IFT74: variants seen among roughly 807,000 people sequenced by gnomAD.
The protein encoded by IFT74 is intraflagellar transport protein 74 homolog.
Under a neutral mutation model 96.7 loss-of-function variants are expected in IFT74, and 92 were observed. That is an observed-to-expected ratio of 0.95 (90% CI 0.80 to 1.13). IFT74 has a LOEUF of 1.13. IFT74 is among the 50% of genes most tolerant of loss of function. IFT74 has a pLI of 0.00. For missense variants in IFT74, 811 were observed against 698.2 expected (o/e 1.16, Z -1.82); for synonymous variants, 223 against 213.2 (o/e 1.05, Z -0.40).
At chr9:26,998,713 G>A (rs553737957) in intron 8 of IFT74, among the ~76,000 whole-genome samples, 1 of 152,116 alleles carries the variant, frequency 6.6e-6, no homozygotes, top group African/African-American at 2.4e-5. Flanking sequence ...GCTGGGCATG[G>A]TGGCTCACGC....
intron 2 of IFT74, among the ~76,000 whole-genome samples, chr9:26,970,088 G>A (rs908539355): frequency 3.3e-5 from 5 of 151,676 alleles, no homozygotes; most frequent in African/African-American, 1.2e-4. Flanking sequence ...GTCTTTGTAG[G>A]TGACTAGATA....
At chr9:26,985,015 T>C (rs191042871) in intron 6 of IFT74, among the ~76,000 whole-genome samples, 58 of 152,266 alleles carry the variant, frequency 3.8e-4, no homozygotes, top group Non-Finnish European at 4.9e-4. Context: ...TGTGTGTTCA[T>C]TGGAGCACGG....
intron 12 of IFT74, among the ~76,000 whole-genome samples, chr9:27,026,188 CTTATA>C (rs1443091877): frequency 2.0e-5 from 3 of 152,086 alleles, no homozygotes; most frequent in Admixed American, 6.6e-5. Context: ...AGTAGCTATT[CTTATA>C]TTAGACAAAA....
intron 10 of IFT74, among the ~76,000 whole-genome samples, chr9:27,014,754 G>A (rs949488158): frequency 7.9e-5 from 12 of 152,074 alleles, no homozygotes; most frequent in East Asian, 1.9e-4. Flanking sequence ...GATTACAAGC[G>A]TGCATCACCA....
Position 27,063,944 on chromosome 9 carries a change from G to A in IFT74, c.*1208G>A, listed in dbSNP as rs1820530847. 6.6e-6 allele frequency among the ~76,000 whole-genome samples: 1 copy of A among 152,212 alleles called. No individual in the cohort carries two copies. The highest frequency in any genetic ancestry group is 1.9e-4 in the East Asian group (1 of 5,184). On this transcript the variant is annotated 3_prime_UTR_variant, in exon 20 of 20. Transcript: ENST00000380062. ...GTTCCATAAATCCTGAGCATCTTGA[G>A]TTATTAATAGTGTTATGCCTCCAAA...
At chr9:27,012,401 C>A (rs996001932) in intron 10 of IFT74, among the ~76,000 whole-genome samples, 1 of 151,374 alleles carries the variant, frequency 6.6e-6, no homozygotes, top group East Asian at 2.0e-4. Flanking sequence ...TTTTTTTTTA[C>A]TTTTTGTAAA....
intron 1 of IFT74, among the ~76,000 whole-genome samples, chr9:26,950,664 G>A (rs1254071620): frequency 6.6e-6 from 1 of 152,196 alleles, no homozygotes; most frequent in African/African-American, 2.4e-5. Flanking sequence ...ATTCTGCAAA[G>A]GTAGTTTAAG....
intron 8 of IFT74, chr9:27,005,523 A>G (rs556094023): frequency 1.3e-5 from 2 of 151,854 alleles, no homozygotes; most frequent in African/African-American, 4.8e-5. Flanking sequence ...GGTTGTACAG[A>G]CTTAACAAAC....
At chr9:27,043,453 G>A (rs1819560180) in intron 13 of IFT74, among the ~76,000 whole-genome samples, 1 of 152,140 alleles carries the variant, frequency 6.6e-6, no homozygotes, top group Non-Finnish European at 1.5e-5. Context: ...CTCTACAGAA[G>A]GCAGCTGCCA....
intron 18 of IFT74, among the ~76,000 whole-genome samples, chr9:27,059,248 C>G (rs1391194852): frequency 6.6e-6 from 1 of 152,184 alleles, no homozygotes; most frequent in Non-Finnish European, 1.5e-5. Flanking sequence ...TCCTGGTCTT[C>G]CTATCTTTCA....
intron 12 of IFT74, among the ~76,000 whole-genome samples, chr9:27,025,475 A>AAAGAATGT (rs1829820437): frequency 6.6e-6 from 1 of 151,496 alleles, no homozygotes; most frequent in Admixed American, 6.6e-5. Flanking sequence ...AAAAGAAAAG[A>AAAGAATGT]AAGAATGTCA....
At chr9:26,984,229 G>A in intron 4 of IFT74, 28 bp from the exon 5 acceptor site, 1 of 1,518,188 alleles carries the variant, frequency 6.6e-7, no homozygotes, top group Non-Finnish European at 8.9e-7. Context: ...TAAAAGTATT[G>A]CTGACATTCT....
intron 1 of IFT74, among the ~76,000 whole-genome samples, chr9:26,948,448 A>ATTATTATTTTT (rs1825819541): frequency 4.7e-4 from 28 of 59,168 alleles, no homozygotes; most frequent in Non-Finnish European, 8.1e-4. Context: ...GCTTTCCATT[A>ATTATTATTTTT]TTTTTTTTTT....
intron 12 of IFT74, among the ~76,000 whole-genome samples, chr9:27,026,304 C>T (rs1008620772): frequency 1.3e-5 from 2 of 152,096 alleles, no homozygotes; most frequent in African/African-American, 4.8e-5. Flanking sequence ...CTATATGCAC[C>T]TAACACTAGA....
At chr9:26,961,804 T>A in intron 1 of IFT74, 145 bp from the exon 2 acceptor site, 1 of 677,950 alleles carries the variant, frequency 1.5e-6, no homozygotes, top group Non-Finnish European at 2.4e-6. Context: ...GATGTCATAT[T>A]TGAACAAAAT....
At chr9:26,947,244 A>C in intron 1 of IFT74, 1 of 577,432 alleles carries the variant, frequency 1.7e-6, no homozygotes, top group Non-Finnish European at 3.0e-6. Flanking sequence ...AGCAAGCCTG[A>C]CAGGCACTCC....
intron 8 of IFT74, chr9:26,995,635 T>C: frequency 6.2e-7 from 1 of 1,613,698 alleles, no homozygotes; most frequent in Non-Finnish European, 8.5e-7. Flanking sequence ...CTTCAGAGTT[T>C]GTTTCTGGTA....
At chr9:26,964,883 G>A (rs1406566993) in intron 2 of IFT74, among the ~76,000 whole-genome samples, 2 of 152,162 alleles carry the variant, frequency 1.3e-5, no homozygotes, top group Non-Finnish European at 2.9e-5. Flanking sequence ...TAATATAAGA[G>A]AGTGTGTCAT....
chr9:26,957,560 G>T (rs1402130267), intron 1 of IFT74, among the ~76,000 whole-genome samples: 1 of 152,150 alleles, frequency 6.6e-6, no homozygotes, highest in African/African-American at 2.4e-5. Context: ...TATCTGAATG[G>T]AAATTTCAGA....
Sources: allele counts gnomAD v4.1 joint callset (sites outside exome capture counted in the v4.1 genomes callset), GRCh38; gene constraint gnomAD v4.1.1; transcripts MANE v1.5; gene names NCBI Gene and HGNC (gene_info 2026-07-23, HGNC 2026-07-21).